The following SLC4A7 variants were observed in gnomAD, a reference collection of about 807,000 sequenced individuals.
The protein encoded by SLC4A7 is sodium bicarbonate cotransporter 3.
SLC4A7 carries 51 observed loss-of-function variants against 137.6 expected under a neutral mutation model. The observed-to-expected ratio is 0.37, with a 90% CI of 0.30 to 0.47. SLC4A7 has a LOEUF of 0.47. SLC4A7 is among the 20% of genes least tolerant of loss of function. The probability of loss-of-function intolerance (pLI) is 1.00; values close to 1 mark genes in which losing one functional copy is unlikely to be tolerated. For synonymous variants in SLC4A7, 542 were observed against 518.6 expected, an observed-to-expected ratio of 1.05 and a Z score of -0.61; for missense variants, 1,247 against 1,525.4, an observed-to-expected ratio of 0.82 and a Z score of 3.04.
intron 11 of SLC4A7, among the ~76,000 whole-genome samples, chr3:27,415,547 C>T (rs1370515441): frequency 6.6e-6 from 1 of 152,210 alleles, no homozygotes; most frequent in African/African-American, 2.4e-5. Flanking sequence ...TTTTCATCTG[C>T]ATTAAAAACC....
At chr3:27,437,670 C>A (rs1257802316) in intron 3 of SLC4A7, 144 bp from the exon 4 acceptor site, 10 of 387,440 alleles carry the variant, frequency 2.6e-5, no homozygotes, top group Admixed American at 4.7e-5. Flanking sequence ...TGAACTATCA[C>A]AATTCTGAAA....
chr3:27,451,069 A>C (rs192195419), intron 2 of SLC4A7, among the ~76,000 whole-genome samples: 4 of 152,130 alleles, frequency 2.6e-5, no homozygotes, highest in Admixed American at 2.6e-4. Context: ...TCTAACCATA[A>C]GCTTCTAGAT....
intron 14 of SLC4A7, 37 bp downstream of exon 14, chr3:27,404,793 A>G (rs1433377837): frequency 4.7e-6 from 7 of 1,479,156 alleles, no homozygotes; most frequent in Non-Finnish European, 6.4e-6. Context: ...AATTTCATAT[A>G]TAACACATGT....
chr3:27,411,738 T>C lies in SLC4A7; in HGVS notation c.1670A>G (p.Lys557Arg). The C allele has an allele frequency of 6.6e-7, 1 of 1,517,516 alleles. No homozygotes were observed. Among genetic ancestry groups the C allele is most frequent in the Non-Finnish European group, 8.9e-7 (1 of 1,128,918 alleles). 94.0% of individuals were successfully genotyped at this position (1,517,516 alleles called of 1,614,324 possible). A position where few individuals can be genotyped will look rare whatever the true frequency, so the allele number is the denominator to read the frequency against. Residue 557 changes from lysine (K) to arginine (R), a missense_variant, in exon 12 of 26, where the codon AAG becomes AGG. Around this residue, in one of 6 missense-constraint regions of SLC4A7, gnomAD observed 499 missense variants for 664.2 expected, o/e 0.75. Transcript: ENST00000454389. The stretch of plus-strand genomic sequence containing the variant: ...AGATCCATTGTGAAACACAGGAATC[T>C]TTCTCTTTTCCTGAATTTCACAAAA... ...PKSVPSQEKRKIPVFHNGSTP... is the reference protein window; with the variant it reads ...PKSVPSQEKRRIPVFHNGSTP...
At chr3:27,424,352 T>C (rs1406426742) in intron 7 of SLC4A7, 200 bp from the exon 8 acceptor site, 5 of 377,012 alleles carry the variant, frequency 1.3e-5, no homozygotes, top group Non-Finnish European at 2.3e-5. Flanking sequence ...TACATTTTAA[T>C]ATTTAAAATA....
intron 16 of SLC4A7, 74 bp downstream of exon 16, chr3:27,400,690 A>G: frequency 1.2e-5 from 10 of 821,784 alleles, no homozygotes; most frequent in Non-Finnish European, 2.0e-5. Flanking sequence ...GAGAAAATGG[A>G]TGTCTGATTA....
intron 2 of SLC4A7, among the ~76,000 whole-genome samples, chr3:27,449,219 A>C (rs2057896820): frequency 6.6e-6 from 1 of 152,012 alleles, no homozygotes; most frequent in Non-Finnish European, 1.5e-5. Context: ...ATCTTAAGAA[A>C]GAAGAGCTTA....
chr3:27,378,084 C>T (rs1303684115), intron 25 of SLC4A7, among the ~76,000 whole-genome samples: 2 of 152,258 alleles, frequency 1.3e-5, no homozygotes, highest in African/African-American at 4.8e-5. Flanking sequence ...AAAATTCTGG[C>T]TGTACTGAAT....
At chr3:27,461,376 G>A (rs980717309) in intron 1 of SLC4A7, among the ~76,000 whole-genome samples, 2 of 151,840 alleles carry the variant, frequency 1.3e-5, no homozygotes, top group African/African-American at 4.8e-5. Flanking sequence ...TCCAACCTGA[G>A]TGACGAAGCG....
intron 2 of SLC4A7, among the ~76,000 whole-genome samples, chr3:27,450,988 T>C (rs187804638): frequency 7.6e-4 from 116 of 152,218 alleles, no homozygotes; most frequent in Non-Finnish European, 8.7e-4. Flanking sequence ...ATTAAATGTA[T>C]GACTGTACAT....
At chr3:27,395,580 T>C (rs113416086) in intron 18 of SLC4A7, among the ~76,000 whole-genome samples, 31,820 of 152,036 alleles carry the variant, frequency 0.21, 4,347 homozygotes, top group Non-Finnish European at 0.31. Context: ...CGGGGGCGGT[T>C]CCCCAGGCAA....
intron 3 of SLC4A7, among the ~76,000 whole-genome samples, chr3:27,442,121 G>A (rs370339137): frequency 1.2e-4 from 18 of 151,646 alleles, no homozygotes; most frequent in African/African-American, 4.4e-4. Context: ...TGACAAGGCA[G>A]GTGATCTGCC....
rs764547334 is a variant in SLC4A7, at chr3:27,409,339, C to T, written c.1941+17G>A. On this transcript the variant is annotated intron_variant, in intron 13 of 25. Coordinates refer to ENST00000454389, the MANE Select transcript of SLC4A7 (RefSeq NM_001321103.2). The stretch of plus-strand genomic sequence containing the variant: ...TGAAGAGCTAAAAGCCTGGCCACTA[C>T]CAATCTTTGTACTCACTATTCTGCC... 6 of 1,576,294 alleles carry T rather than the reference C, an allele frequency of 3.8e-6. No homozygotes were observed. In the South Asian group the frequency reaches 7.1e-5, roughly 19 times the overall value.
At chr3:27,396,435 A>C (rs2052172615) in intron 18 of SLC4A7, among the ~76,000 whole-genome samples, 1 of 152,102 alleles carries the variant, frequency 6.6e-6, no homozygotes, top group Non-Finnish European at 1.5e-5. Flanking sequence ...AAATTACATC[A>C]CGTTTTGAAC....
chr3:27,383,215 A>G lies in SLC4A7; in HGVS notation c.3528T>C (p.Thr1176=). Reference sequence around the variant, plus strand: ...TTCCCCCTTCAAATGGAAGGTGCACAGTATCATCATCATCTTGAAGCATCC... The same window carrying G: ...TTCCCCCTTCAAATGGAAGGTGCACGGTATCATCATCATCTTGAAGCATCC... ...AERMLQDDDD[T]VHLPFEGGSL... Residue 1176 remains threonine, a synonymous_variant, in exon 24 of 26, where the codon ACT becomes ACC. Transcript: ENST00000454389. The G allele has an allele frequency of 6.2e-7, 1 of 1,613,342 alleles. No individual in the cohort carries two copies. Among genetic ancestry groups the G allele is most frequent in the Non-Finnish European group, 8.5e-7 (1 of 1,179,328 alleles).
At chr3:27,390,751 A>G (rs2051456719) in intron 21 of SLC4A7, among the ~76,000 whole-genome samples, 1 of 152,164 alleles carries the variant, frequency 6.6e-6, no homozygotes, top group South Asian at 2.1e-4. Flanking sequence ...GAAACTTTAG[A>G]CAACATCCTT....
intron 1 of SLC4A7, among the ~76,000 whole-genome samples, chr3:27,478,068 T>A (rs982492144): frequency 3.9e-5 from 6 of 152,138 alleles, no homozygotes; most frequent in African/African-American, 1.4e-4. Context: ...AATTGGGAAA[T>A]CTGACTGAAA....
At chr3:27,404,620 A>G (rs989552366) in intron 14 of SLC4A7, among the ~76,000 whole-genome samples, 5 of 152,242 alleles carry the variant, frequency 3.3e-5, no homozygotes, top group African/African-American at 1.2e-4. Flanking sequence ...CACTGATTTT[A>G]TACTCAAGGA....
At chr3:27,471,153 T>C (rs2059229785) in intron 1 of SLC4A7, among the ~76,000 whole-genome samples, 1 of 152,212 alleles carries the variant, frequency 6.6e-6, no homozygotes, top group African/African-American at 2.4e-5. Context: ...TTGCAACGTA[T>C]TGTTTTAATT....
Sources: gnomAD v4.1 joint callset for allele counts (sites outside exome capture counted in the v4.1 genomes callset) on GRCh38, gnomAD v4.1.1 for gene constraint, gnomAD v4.1.1 regional missense constraint, MANE v1.5 for transcripts, NCBI Gene and HGNC (gene_info 2026-07-23, HGNC 2026-07-21) for gene names.